Variants in ERBIN observed in about 807,000 individuals in gnomAD.
ERBIN encodes the protein densin-180-like protein.
In ERBIN, 60 loss-of-function variants were observed where a neutral mutation model predicts 158.4. The ratio of observed to expected loss-of-function variants is 0.38; its 90% CI spans 0.31 to 0.47. ERBIN has a LOEUF of 0.47. Among genes scored for constraint, ERBIN ranks in the 20% least tolerant of loss-of-function variants. ERBIN has a pLI of 0.99. For missense variants in ERBIN, 1,610 were observed against 1,648.0 expected (o/e 0.98, Z 0.40); for synonymous variants, 594 against 557.2 (o/e 1.07, Z -0.93).
At chr5:66,043,289 A>C in intron 16 of ERBIN, 91 bp downstream of exon 16, 1 of 1,298,782 alleles carries the variant, frequency 7.7e-7, no homozygotes, top group Non-Finnish European at 1.1e-6. Flanking sequence ...GGGATATAAC[A>C]AAGTATTGAA....
chr5:65,939,751 G>A (rs1466135751), intron 1 of ERBIN, among the ~76,000 whole-genome samples: 3 of 152,380 alleles, frequency 2.0e-5, no homozygotes, highest in African/African-American at 7.2e-5. Context: ...GTTTCGCTGT[G>A]TTGGCCGGGC....
intron 21 of ERBIN, among the ~76,000 whole-genome samples, chr5:66,057,273 A>T (rs1759687180): frequency 1.3e-5 from 2 of 152,156 alleles, no homozygotes; most frequent in South Asian, 4.1e-4. Flanking sequence ...AACTACTAGG[A>T]TTGTTTAAAA....
intron 3 of ERBIN, among the ~76,000 whole-genome samples, chr5:65,994,190 G>T (rs1752181062): frequency 6.6e-6 from 1 of 152,118 alleles, no homozygotes; most frequent in South Asian, 2.1e-4. Flanking sequence ...TTCCTTATAT[G>T]TTGTTCTTCA....
intron 1 of ERBIN, among the ~76,000 whole-genome samples, chr5:65,964,267 A>G (rs191333207): frequency 3.3e-5 from 5 of 152,356 alleles, no homozygotes; most frequent in African/African-American, 1.2e-4. Flanking sequence ...TTCATAATTG[A>G]ACGTGTGTGT....
At chr5:65,975,287 C>A (rs186046819) in intron 1 of ERBIN, among the ~76,000 whole-genome samples, 6 of 151,612 alleles carry the variant, frequency 4.0e-5, no homozygotes, top group Admixed American at 6.6e-5. Flanking sequence ...GGATTACATG[C>A]GTGAGCCACC....
intron 1 of ERBIN, among the ~76,000 whole-genome samples, chr5:65,951,419 A>C (rs547181443): frequency 2.6e-5 from 4 of 152,318 alleles, no homozygotes; most frequent in Non-Finnish European, 5.9e-5. Context: ...TATTAAGATA[A>C]AGAATTTAAG....
At chr5:65,927,725 G>A (rs141484863) in intron 1 of ERBIN, among the ~76,000 whole-genome samples, 4 of 152,136 alleles carry the variant, frequency 2.6e-5, no homozygotes, top group Non-Finnish European at 5.9e-5. Flanking sequence ...AAATGTTTTT[G>A]GTCGGTTCTG....
rs559729836 is a variant in ERBIN, at chr5:66,048,649, T to A, written c.1789-18T>A. ...AACAAAAATTTAATTTTTATCCCCCTCACCCCCTTTTCACTAGGAATCTGA... is the reference window on the plus strand; with the variant it reads ...AACAAAAATTTAATTTTTATCCCCCACACCCCCTTTTCACTAGGAATCTGA... On this transcript the variant is annotated intron_variant, in intron 18 of 25. Coordinates refer to ENST00000284037, the MANE Select transcript of ERBIN (RefSeq NM_001253697.2). 6 of 1,498,866 alleles carry A rather than the reference T, an allele frequency of 4.0e-6. No individual in the cohort carries two copies. The African/African-American group carries it at 8.3e-5, about 21-fold the overall frequency. 92.8% of individuals were successfully genotyped at this position (1,498,866 alleles called of 1,614,324 possible).
chr5:65,990,667 T>A (rs1751771798), intron 2 of ERBIN, among the ~76,000 whole-genome samples: 1 of 146,608 alleles, frequency 6.8e-6, no homozygotes, highest in South Asian at 2.2e-4. Context: ...CAAAAAAAAA[T>A]TGTAGTGATG....
rs1472650546 is a variant in ERBIN at position 66,057,664 on chromosome 5, T to TAG, written c.3633+2714_3633+2715dup. On this transcript the variant is annotated intron_variant, in intron 21 of 25. Transcript: ENST00000284037. ...GTGCTGCACCCATTAACTCGTCATT[T>TAG]AGCATTAGGTATATCTCCTAATGCT... Among the ~76,000 whole-genome samples the TAG allele has an allele frequency of 4.0e-5, 6 of 151,444 alleles. No homozygotes were observed. In the East Asian group the frequency reaches 5.8e-4, roughly 15 times the overall value.
rs754595284 is a variant in ERBIN, at chr5:65,992,711, G to A, written c.-8G>A. ...TTTCTTTTTATTCGAATATTGCAGT[G>A]TCTAAAAATGACTACAAAACGAAGT... On this transcript the variant is annotated splice_region_variant and 5_prime_UTR_variant, in exon 3 of 26. Coordinates refer to ENST00000284037, the MANE Select transcript of ERBIN (RefSeq NM_001253697.2). 2.5e-6 allele frequency: 4 copies of A among 1,583,612 alleles called. No individual in the cohort carries two copies. The highest frequency in any genetic ancestry group is 1.4e-5 in the African/African-American group (1 of 73,110).
chr5:66,019,561 A>G (rs1318198644), intron 7 of ERBIN, among the ~76,000 whole-genome samples: 1 of 152,168 alleles, frequency 6.6e-6, no homozygotes, highest in Non-Finnish European at 1.5e-5. Context: ...TATTTCTGAG[A>G]TTTCTAAAGT....
intron 1 of ERBIN, among the ~76,000 whole-genome samples, chr5:65,980,815 C>A (rs963826126): frequency 6.6e-6 from 1 of 151,794 alleles, no homozygotes; most frequent in Non-Finnish European, 1.5e-5. Flanking sequence ...CTCCAACATA[C>A]ATGAAATAAA....
intron 1 of ERBIN, among the ~76,000 whole-genome samples, chr5:65,956,545 C>CTTT (rs775550780): frequency 5.1e-5 from 7 of 136,050 alleles, no homozygotes; most frequent in African/African-American, 1.6e-4. Flanking sequence ...AATTTTTTTA[C>CTTT]TTTTTTTTTT....
At chr5:66,021,725 A>C (rs1030046056) in intron 8 of ERBIN, among the ~76,000 whole-genome samples, 9 of 152,132 alleles carry the variant, frequency 5.9e-5, no homozygotes, top group African/African-American at 2.2e-4. Flanking sequence ...AATCAGAGAG[A>C]GCTCCATGGG....
chr5:65,984,356 G>T (rs1236953552), intron 1 of ERBIN, among the ~76,000 whole-genome samples: 1 of 152,180 alleles, frequency 6.6e-6, no homozygotes, highest in Non-Finnish European at 1.5e-5. Context: ...TTCACTAGGG[G>T]CCCCGTCTGT....
intron 1 of ERBIN, among the ~76,000 whole-genome samples, chr5:65,948,373 C>CA (rs1419328348): frequency 6.6e-6 from 1 of 151,654 alleles, no homozygotes; most frequent in Non-Finnish European, 1.5e-5. Flanking sequence ...GATAAGGTCT[C>CA]ACTGTATTTC....
At chr5:66,074,586 A>G (rs921123977) in intron 22 of ERBIN, among the ~76,000 whole-genome samples, 3 of 152,202 alleles carry the variant, frequency 2.0e-5, no homozygotes, top group African/African-American at 7.2e-5. Context: ...AACGTCAGCA[A>G]ATGTACCTTT....
At chr5:66,055,497 G>C (rs1181507362) in intron 21 of ERBIN, among the ~76,000 whole-genome samples, 1 of 152,058 alleles carries the variant, frequency 6.6e-6, no homozygotes, top group Non-Finnish European at 1.5e-5. Flanking sequence ...AAGTGTTTCT[G>C]TGGCTCTAGT....
Sources: gnomAD v4.1 joint callset for allele counts (sites outside exome capture counted in the v4.1 genomes callset) on GRCh38, gnomAD v4.1.1 for gene constraint, MANE v1.5 for transcripts, NCBI Gene and HGNC (gene_info 2026-07-23, HGNC 2026-07-21) for gene names.